INTS12: variants seen among roughly 807,000 people sequenced by gnomAD.
INTS12 encodes the protein integrator complex subunit 12.
A neutral mutation model predicts 41.6 loss-of-function variants in INTS12; 13 were observed. That is an observed-to-expected ratio of 0.31 (90% confidence interval 0.20 to 0.50). INTS12 has a LOEUF of 0.50. Ranked by LOEUF, INTS12 falls within the 20% of genes least tolerant of loss-of-function variation. The pLI is 0.98. For synonymous variants in INTS12, 199 were observed against 191.4 expected, an observed-to-expected ratio of 1.04 and a Z score of -0.33; for missense variants, 432 against 541.6, an observed-to-expected ratio of 0.80 and a Z score of 2.01.
chr4:105,686,947 T>TA (rs1017866063), intron 6 of INTS12, 109 bp from the exon 7 acceptor site: 56 of 899,212 alleles, frequency 6.2e-5, no homozygotes, highest in Admixed American at 1.0e-4. Context: ...TTGAACATTT[T>TA]AAAAAATAGT....
intron 6 of INTS12, chr4:105,687,044 A>G: frequency 1.8e-6 from 1 of 558,576 alleles, no homozygotes; most frequent in Non-Finnish European, 3.1e-6. Flanking sequence ...AACAGTAAAG[A>G]TAATATTAAG....
rs1732084291 is a variant in INTS12, at chr4:105,701,816, A to G, written c.-9-1802T>C. ...ACCCTTGTAATATATTAGAAAAACC[A>G]TTTCTTGAAATTTCTATGCTGAAAA... On this transcript the variant is annotated intron_variant, in intron 2 of 7. Transcript: ENST00000340139. 2.6e-5 allele frequency among the ~76,000 whole-genome samples: 4 copies of G among 152,160 alleles called. No individual in the cohort carries two copies. The South Asian group carries it at 6.2e-4, about 24-fold the overall frequency.
intron 3 of INTS12, among the ~76,000 whole-genome samples, chr4:105,696,133 G>A (rs72671812): frequency 0.02 from 3,042 of 152,264 alleles, 47 homozygotes; most frequent in Middle Eastern, 0.041. Context: ...TTAAAGACGT[G>A]TACCACCACA....
chr4:105,704,341 C>G (rs779363833), intron 1 of INTS12, among the ~76,000 whole-genome samples: 5 of 152,192 alleles, frequency 3.3e-5, no homozygotes, highest in African/African-American at 4.8e-5. Context: ...GGTTCTGGGT[C>G]TCTTCTTGAC....
At chr4:105,686,515 AT>A (rs757399013) in intron 7 of INTS12, among the ~76,000 whole-genome samples, 176 bp downstream of exon 7, 1 of 152,260 alleles carries the variant, frequency 6.6e-6, no homozygotes, top group Non-Finnish European at 1.5e-5. Context: ...AGAGTTAGAG[AT>A]TAATTAATGA....
chr4:105,697,891 T>C (rs1461059508), intron 3 of INTS12, among the ~76,000 whole-genome samples: 1 of 151,800 alleles, frequency 6.6e-6, no homozygotes, highest in African/African-American at 2.4e-5. Context: ...CTCCACAAAA[T>C]ATAAAAAAAT....
intron 1 of INTS12, among the ~76,000 whole-genome samples, chr4:105,707,637 A>G (rs1451476679): frequency 1.3e-5 from 2 of 152,170 alleles, no homozygotes; most frequent in Non-Finnish European, 2.9e-5. Flanking sequence ...TTGTAGTACA[A>G]TGTTCCTATC....
At chr4:105,701,531 C>T (rs1334144878) in intron 2 of INTS12, among the ~76,000 whole-genome samples, 6 of 152,066 alleles carry the variant, frequency 3.9e-5, no homozygotes. Flanking sequence ...TGGGGCTGGT[C>T]ACCATGTACG....
intron 3 of INTS12, among the ~76,000 whole-genome samples, chr4:105,698,571 A>G (rs151247998): frequency 6.6e-6 from 1 of 152,306 alleles, no homozygotes; most frequent in East Asian, 1.9e-4. Context: ...TTCTTTAGTA[A>G]TAATAGGTTT....
In INTS12 at chr4:105,699,907, T is replaced by C. The variant is rs1023533621; in HGVS notation, c.99A>G (p.Ala33=). 2.0e-5 allele frequency: 31 copies of C among 1,563,268 alleles called. No homozygotes were observed. Among genetic ancestry groups the C allele is most frequent in the Non-Finnish European group, 2.5e-5 (29 of 1,143,140 alleles). Residue 33 remains alanine, a synonymous_variant, in exon 3 of 8, where the codon GCA becomes GCG. Coordinates refer to ENST00000340139, the MANE Select transcript of INTS12 (RefSeq NM_020395.4). ...KSKDSAEKLK[A]LLDESLARGI... is the part of the protein sequence containing the mutation. ...CCCGAGCCAAAGATTCATCAAGCAG[T>C]GCTTTTAGCTTTTCAGCAGAATCTT... is the stretch of plus-strand genomic sequence containing the variant.
At chr4:105,700,060 A>G (rs1378119958) in intron 2 of INTS12, 46 bp from the exon 3 acceptor site, 11 of 1,286,386 alleles carry the variant, frequency 8.6e-6, no homozygotes, top group Non-Finnish European at 1.0e-5. Context: ...ATGCACAATT[A>G]TCTATGTTAA....
chr4:105,683,910 A>G (rs1731413560), intron 7 of INTS12, among the ~76,000 whole-genome samples: 1 of 152,212 alleles, frequency 6.6e-6, no homozygotes, highest in Non-Finnish European at 1.5e-5. Flanking sequence ...AGTACAAAAT[A>G]TATGCAAAGT....
chr4:105,695,546 C>T lies in INTS12; in HGVS notation c.279G>A (p.Lys93=). The T allele has an allele frequency of 6.2e-7, 1 of 1,610,502 alleles. No individual in the cohort carries two copies. Among genetic ancestry groups the T allele is most frequent in the Non-Finnish European group, 8.5e-7 (1 of 1,179,098 alleles). ...CAGCAGGTCTCTTTTCAGCTTCCTT[C>T]TTTACCTTTTCAGTTGTGAGGACCT... ...NGKVLTTEKV[K]KEAEKRPADK... Residue 93 remains lysine, a synonymous_variant, in exon 4 of 8, where the codon AAG becomes AAA. Transcript: ENST00000340139.
intron 4 of INTS12, among the ~76,000 whole-genome samples, chr4:105,695,178 C>G (rs904812759): frequency 6.6e-6 from 1 of 152,064 alleles, no homozygotes; most frequent in Non-Finnish European, 1.5e-5. Context: ...GTCTACCTGC[C>G]TCGGCCTCCC....
At position 105,708,680 on chromosome 4, in the gene INTS12, CTT is replaced by C; in HGVS notation, c.-216_-215del. 1.1e-6 allele frequency: 1 copy of C among 882,248 alleles called. No homozygotes were observed. The highest frequency in any genetic ancestry group is 1.4e-6 in the Non-Finnish European group (1 of 735,812). The allele number at this position is 882,248 out of a possible 1,614,324, so 54.7% of individuals were successfully genotyped here. ...CCGATCCGTCTGTTCCCGGTGGTCC[CTT>C]CGGAAACGGTTCCCGCACTGGCCGG... On this transcript the variant is annotated 5_prime_UTR_variant, in exon 1 of 8. Coordinates refer to ENST00000340139, the MANE Select transcript of INTS12 (RefSeq NM_020395.4).
intron 3 of INTS12, among the ~76,000 whole-genome samples, chr4:105,698,984 A>G (rs1392193814): frequency 1.3e-5 from 2 of 152,186 alleles, no homozygotes; most frequent in South Asian, 2.1e-4. Context: ...GGTATTAGGG[A>G]ATATAATAAG....
chr4:105,694,232 A>T (rs746924226), intron 4 of INTS12, among the ~76,000 whole-genome samples: 25 of 152,218 alleles, frequency 1.6e-4, no homozygotes, highest in Non-Finnish European at 3.2e-4. Context: ...AGAAATCTAG[A>T]TCTACATGCA....
chr4:105,699,220 T>C (rs1731974325), intron 3 of INTS12, among the ~76,000 whole-genome samples: 2 of 152,194 alleles, frequency 1.3e-5, no homozygotes, highest in Admixed American at 1.3e-4. Flanking sequence ...TAATTAAAAT[T>C]AATTATTCAC....
intron 2 of INTS12, 83 bp from the exon 3 acceptor site, chr4:105,700,097 G>T: frequency 1.1e-6 from 1 of 924,888 alleles, no homozygotes; most frequent in Non-Finnish European, 1.5e-6. Flanking sequence ...TTTTTAATTT[G>T]TAATAGATAA....
Sources: gnomAD v4.1 joint callset for allele counts (sites outside exome capture counted in the v4.1 genomes callset) on GRCh38, gnomAD v4.1.1 for gene constraint, MANE v1.5 for transcripts, NCBI Gene and HGNC (gene_info 2026-07-23, HGNC 2026-07-21) for gene names.